Variants in XPNPEP3 observed in about 807,000 individuals in gnomAD.
The protein encoded by XPNPEP3 is X-prolyl aminopeptidase 3.
XPNPEP3 carries 41 observed loss-of-function variants against 60.0 expected under a neutral mutation model. The ratio of observed to expected loss-of-function variants is 0.68; its 90% CI spans 0.53 to 0.89. The LOEUF (loss-of-function observed/expected upper bound fraction) is 0.89. Among genes scored for constraint, XPNPEP3 ranks in the 40% least tolerant of loss-of-function variants. The pLI is 0.00. For missense variants in XPNPEP3, 598 were observed against 638.9 expected, an observed-to-expected ratio of 0.94 and a Z score of 0.69; for synonymous variants, 212 against 223.2, an observed-to-expected ratio of 0.95 and a Z score of 0.45.
intron 7 of XPNPEP3, among the ~76,000 whole-genome samples, chr22:40,921,349 A>G (rs899097273): frequency 6.6e-5 from 10 of 152,250 alleles, no homozygotes; most frequent in Middle Eastern, 6.8e-3. Flanking sequence ...GGTTTGGTAC[A>G]TGAATTTGTC....
rs1601524005 is a variant in XPNPEP3, at chr22:40,926,947, A to C, written c.*512A>C. 1 of 207,034 alleles carries C rather than the reference A, an allele frequency of 4.8e-6. No homozygotes were observed. The highest frequency in any genetic ancestry group is 9.9e-6 in the Non-Finnish European group (1 of 101,072). 12.8% of individuals were successfully genotyped at this position (207,034 alleles called of 1,614,324 possible). Reference sequence around the variant, plus strand: ...TACATACCTTCTGTAACTCCTCCCTACCTATTCTAGATCCTGCATATCTAC... The same window carrying C: ...TACATACCTTCTGTAACTCCTCCCTCCCTATTCTAGATCCTGCATATCTAC... On this transcript the variant is annotated 3_prime_UTR_variant, in exon 10 of 10. Transcript: ENST00000357137.
At chr22:40,907,765 G>A (rs2058161943) in intron 5 of XPNPEP3, 116 bp downstream of exon 5, 4 of 1,022,614 alleles carry the variant, frequency 3.9e-6, no homozygotes, top group Non-Finnish European at 6.1e-6. Context: ...TGTCATTGGA[G>A]AGGATTTGGT....
intron 1 of XPNPEP3, chr22:40,862,468 G>A (rs2145768391): frequency 1.0e-6 from 1 of 986,248 alleles, no homozygotes; most frequent in South Asian, 4.7e-5. Context: ...ACTTACGGGT[G>A]AAGAAAGTAT....
intron 6 of XPNPEP3, among the ~76,000 whole-genome samples, chr22:40,909,479 C>G (rs748547492): frequency 1.6e-4 from 24 of 152,252 alleles, no homozygotes; most frequent in African/African-American, 5.5e-4. Context: ...AATAAAACAA[C>G]ATAGGCCAGG....
In XPNPEP3 at chr22:40,926,711, T is replaced by C; in HGVS notation, c.*276T>C. ...TCAGAGCAAGTTTAATTTTTAAACA[T>C]AAAGGTCTTGGTTACACATGTCCAT... On this transcript the variant is annotated 3_prime_UTR_variant, in exon 10 of 10. Transcript: ENST00000357137. 4.3e-6 allele frequency: 2 copies of C among 469,576 alleles called. No homozygotes were observed. The highest frequency in any genetic ancestry group is 7.8e-6 in the Non-Finnish European group (2 of 256,060). The allele number at this position is 469,576 out of a possible 1,614,324, so 29.1% of individuals were successfully genotyped here.
At chr22:40,921,590 G>A (rs1156995811) in intron 7 of XPNPEP3, among the ~76,000 whole-genome samples, 1 of 151,708 alleles carries the variant, frequency 6.6e-6, no homozygotes, top group Non-Finnish European at 1.5e-5. Flanking sequence ...TGCTATTATA[G>A]TTAAGCATTC....
intron 2 of XPNPEP3, among the ~76,000 whole-genome samples, chr22:40,872,544 G>A (rs958393978): frequency 6.6e-6 from 1 of 151,666 alleles, no homozygotes; most frequent in South Asian, 2.1e-4. Flanking sequence ...TCTGCCTCCC[G>A]GGTTAAAGCA....
intron 4 of XPNPEP3, among the ~76,000 whole-genome samples, chr22:40,893,539 G>A (rs1020664894): frequency 1.3e-5 from 2 of 148,310 alleles, no homozygotes; most frequent in African/African-American, 4.9e-5. Flanking sequence ...GATGCATCCT[G>A]TGAAACAGGA....
intron 2 of XPNPEP3, among the ~76,000 whole-genome samples, chr22:40,877,573 A>G (rs183367952): frequency 2.0e-5 from 3 of 152,338 alleles, no homozygotes; most frequent in African/African-American, 7.2e-5. Context: ...TCTTGGCTGC[A>G]GAATCTCAGA....
At chr22:40,861,658 C>T (rs2057948273) in intron 1 of XPNPEP3, 3 of 1,614,064 alleles carry the variant, frequency 1.9e-6, no homozygotes, top group Non-Finnish European at 2.5e-6. Flanking sequence ...AGCGAGTCTT[C>T]AAAGAAGTGA....
intron 6 of XPNPEP3, among the ~76,000 whole-genome samples, chr22:40,911,554 T>C (rs1339180050): frequency 1.3e-5 from 2 of 151,880 alleles, no homozygotes; most frequent in Non-Finnish European, 2.9e-5. Context: ...TTTTTTTTTT[T>C]TTCAGATGGA....
intron 3 of XPNPEP3, among the ~76,000 whole-genome samples, chr22:40,884,898 T>C (rs779784531): frequency 2.1e-4 from 32 of 151,438 alleles, no homozygotes; most frequent in Non-Finnish European, 4.3e-4. Context: ...CGTGGTGGCA[T>C]GCGCCTGTAA....
At chr22:40,892,852 T>G (rs1048691390) in intron 4 of XPNPEP3, among the ~76,000 whole-genome samples, 7 of 152,020 alleles carry the variant, frequency 4.6e-5, no homozygotes, top group Non-Finnish European at 8.8e-5. Flanking sequence ...TTTTTGTCAC[T>G]GAGCCAAGTG....
intron 4 of XPNPEP3, among the ~76,000 whole-genome samples, chr22:40,892,016 T>C (rs2058090335): frequency 6.6e-6 from 1 of 152,126 alleles, no homozygotes; most frequent in Admixed American, 6.6e-5. Flanking sequence ...CATGCAAGCT[T>C]ATTCCTTTTG....
chr22:40,907,543 A>T (rs1340739322), intron 4 of XPNPEP3, 44 bp from the exon 5 acceptor site: 1 of 1,576,332 alleles, frequency 6.3e-7, no homozygotes, highest in Middle Eastern at 1.7e-4. Flanking sequence ...AGTAAGCAAC[A>T]TAGAATGAGA....
chr22:40,875,052 C>T (rs2058022398), intron 2 of XPNPEP3, among the ~76,000 whole-genome samples: 1 of 152,200 alleles, frequency 6.6e-6, no homozygotes, highest in African/African-American at 2.4e-5. Context: ...TTGTATCCTA[C>T]AGGTTTTAAA....
chr22:40,902,413 C>A (rs1836249594), intron 4 of XPNPEP3, among the ~76,000 whole-genome samples: 1 of 152,088 alleles, frequency 6.6e-6, no homozygotes, highest in Non-Finnish European at 1.5e-5. Context: ...ACACGCCCAG[C>A]TAATTTTTTT....
chr22:40,890,951 T>C (rs2058085973), intron 4 of XPNPEP3, among the ~76,000 whole-genome samples: 1 of 152,154 alleles, frequency 6.6e-6, no homozygotes, highest in African/African-American at 2.4e-5. Flanking sequence ...TCTCATATAC[T>C]GTATATTATT....
chr22:40,900,176 G>C (rs1248784457), intron 4 of XPNPEP3, among the ~76,000 whole-genome samples: 1 of 152,030 alleles, frequency 6.6e-6, no homozygotes, highest in Non-Finnish European at 1.5e-5. Flanking sequence ...CCTTAGATTT[G>C]CCAAAGGATT....
Sources: gnomAD v4.1 joint callset for allele counts (sites outside exome capture counted in the v4.1 genomes callset) on GRCh38, gnomAD v4.1.1 for gene constraint, MANE v1.5 for transcripts, NCBI Gene and HGNC (gene_info 2026-07-23, HGNC 2026-07-21) for gene names.